ARHGEF28: variants seen among roughly 807,000 people sequenced by gnomAD.
The protein encoded by ARHGEF28 is 190 kDa guanine nucleotide exchange factor.
ARHGEF28 carries 152 observed loss-of-function variants against 206.6 expected under a neutral mutation model. The observed-to-expected ratio is 0.74, with a 90% confidence interval of 0.64 to 0.84. ARHGEF28 has a LOEUF of 0.84. Ranked by LOEUF, ARHGEF28 falls within the 40% of genes least tolerant of loss-of-function variation. The pLI is 0.00. For missense variants in ARHGEF28, 2,028 were observed against 2,073.2 expected (o/e 0.98, Z 0.42); for synonymous variants, 763 against 776.4 (o/e 0.98, Z 0.29).
chr5:73,911,126 A>T (rs1044243150), intron 34 of ARHGEF28, 149 bp from the exon 35 acceptor site: 6 of 770,378 alleles, frequency 7.8e-6, no homozygotes, highest in Non-Finnish European at 1.0e-5. Context: ...TTAAAAGAGT[A>T]TGGGAGAGGG....
At chr5:73,708,959 T>A (rs973021040) in intron 2 of ARHGEF28, among the ~76,000 whole-genome samples, 1 of 152,212 alleles carries the variant, frequency 6.6e-6, no homozygotes, top group Admixed American at 6.5e-5. Context: ...TTGAGCTTTT[T>A]TTCATGCCTT....
At chr5:73,754,751 C>G (rs185596625) in intron 4 of ARHGEF28, among the ~76,000 whole-genome samples, 33 of 152,212 alleles carry the variant, frequency 2.2e-4, no homozygotes, top group African/African-American at 7.7e-4. Flanking sequence ...GGCTGGAGCG[C>G]AGTGGCACAA....
chr5:73,787,640 G>A (rs1015985103), intron 7 of ARHGEF28, among the ~76,000 whole-genome samples: 1 of 152,092 alleles, frequency 6.6e-6, no homozygotes, highest in Non-Finnish European at 1.5e-5. Flanking sequence ...TTGGTTTTCT[G>A]TTCCTGTGTT....
At chr5:73,751,147 TGCCTGTAATCCCA>T (rs1326647873) in intron 3 of ARHGEF28, among the ~76,000 whole-genome samples, 2 of 152,236 alleles carry the variant, frequency 1.3e-5, no homozygotes, top group African/African-American at 4.8e-5. Flanking sequence ...TGGTGGCTCA[TGCCTGTAATCCCA>T]GCACTACGGG....
chr5:73,838,401 A>G (rs1757791178), intron 10 of ARHGEF28, among the ~76,000 whole-genome samples: 1 of 152,230 alleles, frequency 6.6e-6, no homozygotes, highest in South Asian at 2.1e-4. Context: ...TGGCAAGGAA[A>G]CCTAAAAACA....
chr5:73,706,454 A>G (rs1394776579), intron 2 of ARHGEF28, among the ~76,000 whole-genome samples: 1 of 152,142 alleles, frequency 6.6e-6, no homozygotes, highest in African/African-American at 2.4e-5. Context: ...ACATTGAAAA[A>G]AAAAAGAGTC....
chr5:73,940,594 G>T (rs1279818784), intron 35 of ARHGEF28, among the ~76,000 whole-genome samples: 1 of 152,170 alleles, frequency 6.6e-6, no homozygotes, highest in East Asian at 1.9e-4. Context: ...CAATAGCAGC[G>T]GTTTAAGATC....
At chr5:73,628,643 A>G (rs963730212) in intron 1 of ARHGEF28, among the ~76,000 whole-genome samples, 1 of 152,214 alleles carries the variant, frequency 6.6e-6, no homozygotes, top group Non-Finnish European at 1.5e-5. Context: ...TTTGTTATGA[A>G]GAGGTGGGTC....
intron 20 of ARHGEF28, 142 bp downstream of exon 20, chr5:73,868,369 C>A: frequency 2.7e-6 from 3 of 1,107,292 alleles, no homozygotes; most frequent in Non-Finnish European, 3.6e-6. Flanking sequence ...GGTATAGGTT[C>A]TACTTTTTAA....
intron 13 of ARHGEF28, among the ~76,000 whole-genome samples, chr5:73,850,610 G>A (rs1008958262): frequency 6.6e-6 from 1 of 152,062 alleles, no homozygotes; most frequent in African/African-American, 2.4e-5. Context: ...TTTGCCTTTA[G>A]ATCTGTGGTC....
At chr5:73,688,038 G>A (rs1053820674) in intron 2 of ARHGEF28, among the ~76,000 whole-genome samples, 1 of 151,982 alleles carries the variant, frequency 6.6e-6, no homozygotes. Flanking sequence ...AATAACTCTG[G>A]CAAGTGTGTA....
intron 35 of ARHGEF28, among the ~76,000 whole-genome samples, chr5:73,930,032 C>T (rs1038458187): frequency 3.3e-5 from 5 of 152,044 alleles, no homozygotes; most frequent in Non-Finnish European, 5.9e-5. Context: ...GGAGCATTTA[C>T]GGGATCTTAC....
At chr5:73,690,885 A>C (rs185364725) in intron 2 of ARHGEF28, among the ~76,000 whole-genome samples, 1 of 152,198 alleles carries the variant, frequency 6.6e-6, no homozygotes, top group African/African-American at 2.4e-5. Context: ...TATAAAGAAT[A>C]TAATAGTAAG....
At chr5:73,644,775 C>A (rs1291400018) in intron 1 of ARHGEF28, among the ~76,000 whole-genome samples, 1 of 152,174 alleles carries the variant, frequency 6.6e-6, no homozygotes, top group East Asian at 1.9e-4. Context: ...AATTACAAAT[C>A]CCTGGGCACT....
chr5:73,858,283 G>A, intron 16 of ARHGEF28, 64 bp downstream of exon 16: 1 of 1,508,048 alleles, frequency 6.6e-7, no homozygotes, highest in Non-Finnish European at 8.8e-7. Context: ...CTTGGGAAGA[G>A]GCTCATTGCT....
intron 9 of ARHGEF28, 35 bp downstream of exon 9, chr5:73,795,426 G>T (rs1234626657): frequency 1.3e-6 from 2 of 1,560,352 alleles, no homozygotes; most frequent in Non-Finnish European, 1.8e-6. Context: ...ACTCGTAGGG[G>T]CATCCCAGAT....
chr5:73,847,355 G>A (rs1245835578), intron 12 of ARHGEF28, among the ~76,000 whole-genome samples: 3 of 152,028 alleles, frequency 2.0e-5, no homozygotes, highest in African/African-American at 4.8e-5. Flanking sequence ...TATTTTTTGA[G>A]TAGATGAGAT....
chr5:73,789,295 A>T (rs1754328740), intron 7 of ARHGEF28, among the ~76,000 whole-genome samples: 1 of 152,238 alleles, frequency 6.6e-6, no homozygotes, highest in African/African-American at 2.4e-5. Flanking sequence ...GTTTCAAAAG[A>T]CTACATATTG....
chr5:73,772,258 A>AAGCTG (rs1740468318), intron 4 of ARHGEF28, among the ~76,000 whole-genome samples: 1 of 152,184 alleles, frequency 6.6e-6, no homozygotes, highest in African/African-American at 2.4e-5. Context: ...AGGTAGGACA[A>AAGCTG]AGCTGAGTTT....
Sources: gnomAD v4.1 joint callset for allele counts (sites outside exome capture counted in the v4.1 genomes callset) on GRCh38, gnomAD v4.1.1 for gene constraint, MANE v1.5 for transcripts, NCBI Gene and HGNC (gene_info 2026-07-23, HGNC 2026-07-21) for gene names.